Variants in CCSER2 observed in about 807,000 individuals in gnomAD.
CCSER2 encodes the protein coiled-coil serine rich protein 2.
A neutral mutation model predicts 92.3 loss-of-function variants in CCSER2; 46 were observed. The ratio of observed to expected loss-of-function variants is 0.50; its 90% CI spans 0.39 to 0.64. The LOEUF (loss-of-function observed/expected upper bound fraction) is 0.64. Ranked by LOEUF, CCSER2 falls within the 30% of genes least tolerant of loss-of-function variation. The pLI is 0.00. For missense variants in CCSER2, 1,244 were observed against 1,238.9 expected (o/e 1.00, Z -0.06); for synonymous variants, 433 against 431.4 (o/e 1.00, Z -0.04).
rs1286171135 is a variant in CCSER2, at chr10:84,350,103, A to G, written c.-39-20911A>G. Among the ~76,000 whole-genome samples the G allele has an allele frequency of 2.6e-5, 4 of 152,180 alleles. No homozygotes were observed. In the East Asian group the frequency reaches 5.8e-4, roughly 22 times the overall value. On this transcript the variant is annotated intron_variant, in intron 1 of 9. Coordinates refer to ENST00000372088, the MANE Select transcript of CCSER2 (RefSeq NM_001284240.2). ...GGGAAGTGGAGGTTGCAGTGAGCCG[A>G]TATCATGCCACTGCACTCCAGCCTG...
intron 3 of CCSER2, among the ~76,000 whole-genome samples, chr10:84,413,968 C>T (rs1256791072): frequency 1.3e-5 from 2 of 152,082 alleles, no homozygotes; most frequent in Admixed American, 6.5e-5. Flanking sequence ...AGGATTGCAA[C>T]CTCTGCTTTT....
intron 6 of CCSER2, among the ~76,000 whole-genome samples, chr10:84,462,250 TTC>T (rs1026085522): frequency 6.6e-6 from 1 of 152,242 alleles, no homozygotes; most frequent in African/African-American, 2.4e-5. Context: ...TTTGCTGGAC[TTC>T]TCTTTTTTCC....
intron 1 of CCSER2, among the ~76,000 whole-genome samples, chr10:84,356,036 G>C (rs1845150078): frequency 6.7e-6 from 1 of 150,154 alleles, no homozygotes; most frequent in Admixed American, 6.7e-5. Flanking sequence ...CTGGGAGGTA[G>C]AGGTTGCAGT....
At chr10:84,398,740 T>C (rs1841970133) in intron 3 of CCSER2, among the ~76,000 whole-genome samples, 1 of 152,192 alleles carries the variant, frequency 6.6e-6, no homozygotes. Flanking sequence ...CTACCCTCTT[T>C]GGTTAATAAT....
chr10:84,463,903 C>T, intron 6 of CCSER2, 30 bp from the exon 7 acceptor site: 1 of 1,386,754 alleles, frequency 7.2e-7, no homozygotes, highest in East Asian at 2.3e-5. Flanking sequence ...CTATATTAAT[C>T]TAGTGTTTTT....
At chr10:84,420,167 T>C (rs1843070043) in intron 4 of CCSER2, among the ~76,000 whole-genome samples, 1 of 152,198 alleles carries the variant, frequency 6.6e-6, no homozygotes. Context: ...TGCCTTATCT[T>C]TAGCAGACAA....
At position 84,516,776 on chromosome 10, in the gene CCSER2, T is replaced by C. The variant is rs552957138; in HGVS notation, c.*2509T>C. 1 of 152,176 alleles carries C rather than the reference T, an allele frequency of 6.6e-6. No individual in the cohort carries two copies. The highest frequency in any genetic ancestry group is 2.4e-5 in the African/African-American group (1 of 41,440). The allele number at this position is 152,176 out of a possible 1,614,324, so 9.4% of individuals were successfully genotyped here. ...CTTCCCTGATGGATTTGCAGAAATG[T>C]TAACCAATTAGCTCAACTTTTCTCT... On this transcript the variant is annotated 3_prime_UTR_variant, in exon 10 of 10. Coordinates refer to ENST00000372088, the MANE Select transcript of CCSER2 (RefSeq NM_001284240.2).
intron 1 of CCSER2, among the ~76,000 whole-genome samples, chr10:84,358,672 A>ATG (rs919260346): frequency 6.8e-6 from 1 of 148,038 alleles, no homozygotes; most frequent in Non-Finnish European, 1.5e-5. Context: ...ATATACATAT[A>ATG]TGTATATATA....
At chr10:84,504,247 G>A (rs1420865430) in intron 9 of CCSER2, among the ~76,000 whole-genome samples, 1 of 151,130 alleles carries the variant, frequency 6.6e-6, no homozygotes, top group Non-Finnish European at 1.5e-5. Context: ...AGGCTAAGAA[G>A]TGTAGATAAT....
In CCSER2 at chr10:84,513,846, C is replaced by G. The variant is rs1198819877; in HGVS notation, c.2723C>G (p.Ser908Cys). The change falls in exon 10 of 10, where the codon TCT becomes TGT. Residue 908 changes from serine (S) to cysteine (C), a missense_variant. Transcript: ENST00000372088. ...GCTAAGAGAGTTGGAAGAAATCAGT[C>G]TCCGCCAGTGGGTTATATGTCTCAG... ...DQAKRVGRNQ[S>C]PPVGYMSQPK... is the part of the protein sequence containing the mutation. The G allele has an allele frequency of 6.5e-7, 1 of 1,536,256 alleles. No individual in the cohort carries two copies. Among genetic ancestry groups the G allele is most frequent in the Middle Eastern group, 1.7e-4 (1 of 5,990 alleles).
intron 9 of CCSER2, among the ~76,000 whole-genome samples, chr10:84,490,109 G>T (rs1418757956): frequency 6.6e-6 from 1 of 152,130 alleles, no homozygotes; most frequent in Non-Finnish European, 1.5e-5. Context: ...TGAGAGATCC[G>T]CTGTTAGTCT....
intron 3 of CCSER2, among the ~76,000 whole-genome samples, chr10:84,386,646 G>A (rs890299910): frequency 4.6e-5 from 7 of 152,206 alleles, no homozygotes; most frequent in Non-Finnish European, 7.3e-5. Context: ...TCGAACCCAG[G>A]CAGAGGCTGC....
intron 4 of CCSER2, chr10:84,425,061 G>T: frequency 1.0e-6 from 1 of 965,972 alleles, no homozygotes; most frequent in Non-Finnish European, 1.2e-6. Context: ...AAGTGAAGAA[G>T]CTTGGGGTGT....
At chr10:84,450,660 T>C (rs549504077) in intron 6 of CCSER2, among the ~76,000 whole-genome samples, 85 of 152,310 alleles carry the variant, frequency 5.6e-4, no homozygotes, top group African/African-American at 1.8e-3. Context: ...ATAAATTTAC[T>C]GAGAGACATT....
chr10:84,424,983 A>C, intron 4 of CCSER2: 1 of 985,032 alleles, frequency 1.0e-6, no homozygotes, highest in Non-Finnish European at 1.2e-6. Context: ...CCGGTAACAC[A>C]ATGTCTCCCT....
chr10:84,361,158 G>T (rs549746725), intron 1 of CCSER2, among the ~76,000 whole-genome samples: 4 of 152,326 alleles, frequency 2.6e-5, no homozygotes, highest in East Asian at 3.9e-4. Flanking sequence ...TCTCTTGAAT[G>T]CTAGGTTGAG....
intron 8 of CCSER2, among the ~76,000 whole-genome samples, chr10:84,474,854 A>G (rs1847042569): frequency 6.6e-6 from 1 of 152,202 alleles, no homozygotes; most frequent in African/African-American, 2.4e-5. Flanking sequence ...GTTCCGAGTA[A>G]AAGTCCCTAA....
intron 5 of CCSER2, among the ~76,000 whole-genome samples, chr10:84,431,414 G>A (rs949448555): frequency 6.6e-6 from 1 of 151,510 alleles, no homozygotes; most frequent in Non-Finnish European, 1.5e-5. Context: ...TACATGTAAG[G>A]TTCCTCTATA....
At chr10:84,462,506 C>T (rs578104099) in intron 6 of CCSER2, among the ~76,000 whole-genome samples, 4 of 152,240 alleles carry the variant, frequency 2.6e-5, no homozygotes, top group South Asian at 2.1e-4. Context: ...GCAGTAATAA[C>T]GGAGATGAAC....
Sources: allele counts gnomAD v4.1 joint callset (sites outside exome capture counted in the v4.1 genomes callset), GRCh38; gene constraint gnomAD v4.1.1; transcripts MANE v1.5; gene names NCBI Gene and HGNC (gene_info 2026-07-23, HGNC 2026-07-21).